Variants in PRKAG3 observed in about 807,000 individuals in gnomAD.
The protein encoded by PRKAG3 is protein kinase AMP-activated non-catalytic subunit gamma 3, also known as 5'-AMP-activated protein kinase subunit gamma-3.
A neutral mutation model predicts 56.5 loss-of-function variants in PRKAG3; 39 were observed. The observed-to-expected ratio is 0.69, with a 90% CI of 0.53 to 0.90. The LOEUF (loss-of-function observed/expected upper bound fraction) is 0.90, where lower values mean the gene tolerates loss of function less well. PRKAG3 is among the 40% of genes least tolerant of loss of function. The pLI is 0.00. For missense variants in PRKAG3, 628 were observed against 627.5 expected (o/e 1.00, Z -0.01); for synonymous variants, 243 against 250.1 (o/e 0.97, Z 0.27).
Position 218,828,104 on chromosome 2 carries a change from G to A in PRKAG3, c.716-42C>T, listed in dbSNP as rs751167407. The stretch of plus-strand genomic sequence containing the variant: ...GGAGGAGGTCAGCCCGGGGCCTTTG[G>A]GTGGAAGGCAGGTTGAGGGTCAGAT... On this transcript the variant is annotated intron_variant, in intron 5 of 12. Transcript: ENST00000529249. The A allele has an allele frequency of 2.6e-6, 4 of 1,522,934 alleles. No individual in the cohort carries two copies. In the African/African-American group the frequency reaches 5.5e-5, roughly 21 times the overall value. The allele number at this position is 1,522,934 out of a possible 1,614,324, so 94.3% of individuals were successfully genotyped here.
intron 12 of PRKAG3, among the ~76,000 whole-genome samples, 158 bp downstream of exon 12, chr2:218,824,064 C>T (rs531841473): frequency 3.9e-5 from 6 of 152,278 alleles, no homozygotes; most frequent in Admixed American, 3.3e-4. Context: ...GCATAAGGGC[C>T]CCATGGACAG....
At chr2:218,829,478 G>A (rs748585993) in intron 4 of PRKAG3, among the ~76,000 whole-genome samples, 1 of 151,532 alleles carries the variant, frequency 6.6e-6, no homozygotes, top group Non-Finnish European at 1.5e-5. Flanking sequence ...CCACCACCAC[G>A]GCCGGCTAAT....
At chr2:218,824,615 A>G in intron 10 of PRKAG3, 39 bp from the exon 11 acceptor site, 1 of 1,568,798 alleles carries the variant, frequency 6.4e-7, no homozygotes, top group East Asian at 2.2e-5. Flanking sequence ...GGAGAAAGAC[A>G]GGGAAGAGGC....
Position 218,827,720 on chromosome 2 carries a change from G to T in PRKAG3, c.821-91C>A, listed in dbSNP as rs1393749407. On this transcript the variant is annotated intron_variant, in intron 7 of 12. Transcript: ENST00000529249. The surrounding 1 kb of genome is among the most constrained non-coding windows in gnomAD (Gnocchi z 5.3). ...GCTTCCCTTCCGTCAGGCACCCGAG[G>T]CTCCTATTGTCCCTCCCCTGTTCAC... 1.3e-6 allele frequency: 2 copies of T among 1,563,094 alleles called. No homozygotes were observed. The highest frequency in any genetic ancestry group is 1.4e-5 in the African/African-American group (1 of 73,792).
rs1449818990 is a variant in PRKAG3 at position 218,830,731 on chromosome 2, T to G, written c.229+15A>C. On this transcript the variant is annotated intron_variant, in intron 3 of 12. Coordinates refer to ENST00000529249, the Ensembl canonical transcript of PRKAG3. ...CCCCTGGCTCCCACCTCCCCAGAAC[T>G]GGCCTTGGCCTCACCTTCCCCCTGA... 2 of 1,611,064 alleles carry G rather than the reference T, an allele frequency of 1.2e-6. No homozygotes were observed. The highest frequency in any genetic ancestry group is 2.7e-5 in the African/African-American group (2 of 74,838).
intron 12 of PRKAG3, 142 bp from the exon 13 acceptor site, chr2:218,824,020 C>T: frequency 8.3e-7 from 1 of 1,200,722 alleles, no homozygotes; most frequent in Non-Finnish European, 1.2e-6. Context: ...GATGGTGTGA[C>T]CGGCCTAAGG....
In PRKAG3 at chr2:218,827,416, A is replaced by G; in HGVS notation, c.876-43T>C. ...GTGAGCCTCGGGGCAGCCTAGGGAG[A>G]GACAACCTCCATCCCAGGCCCCTAA... is the stretch of plus-strand genomic sequence containing the variant. On this transcript the variant is annotated intron_variant, in intron 8 of 12. Coordinates refer to ENST00000529249, the Ensembl canonical transcript of PRKAG3. The surrounding 1 kb of genome is among the most constrained non-coding windows in gnomAD (Gnocchi z 5.3). 1 of 1,613,466 alleles carries G rather than the reference A, an allele frequency of 6.2e-7. No individual in the cohort carries two copies. The highest frequency in any genetic ancestry group is 1.7e-5 in the Admixed American group (1 of 60,006).
chr2:218,826,950 T>C, exon 10 of PRKAG3: 1 of 1,614,068 alleles, frequency 6.2e-7, no homozygotes, highest in Middle Eastern at 1.7e-4. Flanking sequence ...CCACAGGCAG[T>C]GCAGACACAC....
In PRKAG3 at chr2:218,824,594, G is replaced by C. The variant is rs376239638; in HGVS notation, c.1169-18C>G. 15 of 1,603,670 alleles carry C rather than the reference G, an allele frequency of 9.4e-6. No homozygotes were observed. The East Asian group carries it at 1.1e-4, about 12-fold the overall frequency. ...GACCTGACCTGCAGAGGGTGGTTGT[G>C]GGGGGTGGGGGGAGAAAGACAGGGA... On this transcript the variant is annotated intron_variant, in intron 10 of 12. Coordinates refer to ENST00000529249, the Ensembl canonical transcript of PRKAG3.
At position 218,830,391 on chromosome 2, in the gene PRKAG3, G is replaced by A; in HGVS notation, c.230-10C>T. 6.2e-7 allele frequency: 1 copy of A among 1,604,482 alleles called. No individual in the cohort carries two copies. The highest frequency in any genetic ancestry group is 1.1e-5 in the South Asian group (1 of 90,464). The stretch of plus-strand genomic sequence containing the variant: ...GGCCTGGACCGGGGACCTGTTTGGG[G>A]GAGGAGGGGAAGAGGACAGTAACTC... On this transcript the variant is annotated splice_polypyrimidine_tract_variant and intron_variant, in intron 3 of 12. Transcript: ENST00000529249.
rs1307168627 is a variant in PRKAG3, at chr2:218,827,191, G to A, written c.1002+56C>T. 4 of 1,613,556 alleles carry A rather than the reference G, an allele frequency of 2.5e-6. No individual in the cohort carries two copies. The highest frequency in any genetic ancestry group is 2.5e-6 in the Non-Finnish European group (3 of 1,179,862). ...ACTGCTAGGGCTGAAGACTCCTCAGGCCCTCTGATCACCTGCCCAGGTCTC... is the reference window on the plus strand; with the variant it reads ...ACTGCTAGGGCTGAAGACTCCTCAGACCCTCTGATCACCTGCCCAGGTCTC... On this transcript the variant is annotated intron_variant, in intron 9 of 12. Coordinates refer to ENST00000529249, the Ensembl canonical transcript of PRKAG3. This position sits in a 1 kb window ranked among gnomAD's most constrained non-coding sequence, Gnocchi z 5.3.
At chr2:218,829,904 G>A in intron 4 of PRKAG3, 74 bp downstream of exon 4, 1 of 1,579,680 alleles carries the variant, frequency 6.3e-7, no homozygotes, top group Non-Finnish European at 8.6e-7. Context: ...AGGGCATCCT[G>A]CAGGGTGGGA....
exon 4 of PRKAG3, chr2:218,830,309 T>G: frequency 6.2e-7 from 1 of 1,613,090 alleles, no homozygotes; most frequent in Non-Finnish European, 8.5e-7. Flanking sequence ...AGGATCAGCT[T>G]GAGCCAAGGG....
exon 13 of PRKAG3, chr2:218,823,653 A>G: frequency 1.3e-6 from 2 of 1,595,648 alleles, no homozygotes; most frequent in Non-Finnish European, 8.5e-7. Flanking sequence ...TACCTGAATC[A>G]TAGCTGAACC....
At chr2:218,828,970 T>C (rs1005440998) in intron 4 of PRKAG3, among the ~76,000 whole-genome samples, 1 of 152,222 alleles carries the variant, frequency 6.6e-6, no homozygotes, top group Non-Finnish European at 1.5e-5. Context: ...GTTATTTACA[T>C]AACACTTGCA....
At chr2:218,828,661 C>T (rs527793374) in intron 4 of PRKAG3, 61 bp from the exon 5 acceptor site, 4 of 1,421,574 alleles carry the variant, frequency 2.8e-6, no homozygotes, top group East Asian at 4.8e-5. Flanking sequence ...CCCCTCTCTG[C>T]CCCTCAGTGC....
intron 1 of PRKAG3, 135 bp from the exon 2 acceptor site, chr2:218,831,510 C>T: frequency 1.0e-6 from 1 of 996,668 alleles, no homozygotes; most frequent in East Asian, 2.6e-5. Flanking sequence ...AGACATGCAG[C>T]CATACACAAA....
intron 2 of PRKAG3, 42 bp downstream of exon 2, chr2:218,831,294 G>A (rs762614354): frequency 2.7e-6 from 4 of 1,483,732 alleles, no homozygotes; most frequent in Admixed American, 4.3e-5. Flanking sequence ...ACAAGGAGGT[G>A]GGGGAAGAGG....
In PRKAG3 at chr2:218,831,333, T is replaced by G; in HGVS notation, c.73+3A>C. On this transcript the variant is annotated splice_donor_region_variant and intron_variant, in intron 2 of 12. Transcript: ENST00000529249. ...GGCCCCAGGGAGGGGGCATTCTCCCTACCTTGATGCTCAGAACCCCCAAGG... is the reference window on the plus strand; with the variant it reads ...GGCCCCAGGGAGGGGGCATTCTCCCGACCTTGATGCTCAGAACCCCCAAGG... 1 of 1,594,752 alleles carries G rather than the reference T, an allele frequency of 6.3e-7. No individual in the cohort carries two copies. Among genetic ancestry groups the G allele is most frequent in the Non-Finnish European group, 8.5e-7 (1 of 1,169,656 alleles).
Sources: gnomAD v4.1 joint callset for allele counts (sites outside exome capture counted in the v4.1 genomes callset) on GRCh38, gnomAD v4.1.1 for gene constraint, Gnocchi (gnomAD v3.1) non-coding constraint, MANE v1.5 for transcripts, NCBI Gene and HGNC (gene_info 2026-07-23, HGNC 2026-07-21) for gene names.